VPS13B: variants seen among roughly 807,000 people sequenced by gnomAD.
VPS13B encodes the protein vacuolar protein sorting 13 homolog B.
Under a neutral mutation model 426.4 loss-of-function variants are expected in VPS13B, and 285 were observed. The ratio of observed to expected loss-of-function variants is 0.67; its 90% CI spans 0.61 to 0.74. The LOEUF is 0.74. Ranked by LOEUF, VPS13B falls within the 30% of genes least tolerant of loss-of-function variation. The pLI is 0.00. For missense variants in VPS13B, 4,537 were observed against 4,782.6 expected, an observed-to-expected ratio of 0.95 and a Z score of 1.51; for synonymous variants, 1,676 against 1,676.4, an observed-to-expected ratio of 1.00 and a Z score of 0.01.
chr8:99,351,435 A>AGTGTGT (rs1024531389), intron 19 of VPS13B, among the ~76,000 whole-genome samples: 8 of 145,750 alleles, frequency 5.5e-5, no homozygotes, highest in African/African-American at 1.5e-4. Context: ...AGAGAGAGAG[A>AGTGTGT]GTGTGTGTGT....
intron 51 of VPS13B, among the ~76,000 whole-genome samples, chr8:99,829,188 G>A (rs1814900698): frequency 6.6e-6 from 1 of 152,204 alleles, no homozygotes; most frequent in South Asian, 2.1e-4. Flanking sequence ...ATCCTGAAGT[G>A]TGTTTTCCAG....
At chr8:99,014,017 T>C in intron 2 of VPS13B, 82 bp downstream of exon 2, 2 of 1,598,698 alleles carry the variant, frequency 1.3e-6, no homozygotes, top group South Asian at 2.2e-5. Flanking sequence ...GCTTTGACTT[T>C]ATGCTGTAAA....
At chr8:99,428,951 TA>T (rs945887678) in intron 21 of VPS13B, among the ~76,000 whole-genome samples, 3 of 152,162 alleles carry the variant, frequency 2.0e-5, no homozygotes, top group Admixed American at 6.5e-5. Context: ...TATGCAGCCA[TA>T]AAAAATGATG....
chr8:99,474,183 A>AT (rs34752686), intron 24 of VPS13B, among the ~76,000 whole-genome samples: 28,253 of 124,944 alleles, frequency 0.23, 3,839 homozygotes, highest in East Asian at 0.3. Flanking sequence ...CTGTTATCCA[A>AT]TTTTTTTTTT....
At chr8:99,293,738 C>A (rs192455154) in intron 19 of VPS13B, among the ~76,000 whole-genome samples, 1,622 of 152,206 alleles carry the variant, frequency 0.011, 33 homozygotes, top group African/African-American at 0.037. Context: ...TGGACATGAA[C>A]AGACACTTCT....
chr8:99,220,826 T>C (rs1338827350), intron 17 of VPS13B, among the ~76,000 whole-genome samples: 1 of 124,106 alleles, frequency 8.1e-6, no homozygotes, highest in Non-Finnish European at 1.7e-5. Flanking sequence ...TTAGGGTACA[T>C]GTGCACATTG....
chr8:99,756,286 T>C (rs1449788), intron 39 of VPS13B, among the ~76,000 whole-genome samples: 145,910 of 152,280 alleles, frequency 0.96, 69,972 homozygotes, highest in East Asian at 1. Context: ...GAAGTTAGGT[T>C]GTTTTGAGAT....
chr8:99,116,073 G>A (rs1186192867), intron 7 of VPS13B, among the ~76,000 whole-genome samples, 199 bp downstream of exon 7: 1 of 152,134 alleles, frequency 6.6e-6, no homozygotes, highest in Non-Finnish European at 1.5e-5. Context: ...TGTTGCCTGG[G>A]CTGGAGTGCT....
chr8:99,453,168 AATTCTTGTTCACCTTAGTGGTTT>A lies in VPS13B; in HGVS notation c.3445+10536_3445+10558del, dbSNP rs147935469. 2.3e-3 allele frequency among the ~76,000 whole-genome samples: 356 copies of A among 152,294 alleles called. No individual in the cohort carries two copies. The Middle Eastern group carries it at 0.027, about 12-fold the overall frequency. The stretch of plus-strand genomic sequence containing the variant: ...AAACACAGGGGCTGCTTTTCTATGT[AATTCTTGTTCACCTTAGTGGTTT>A]ATATGTATTGTTCTATTTTAGGTTT... On this transcript the variant is annotated intron_variant, in intron 23 of 61. Transcript: ENST00000357162.
At chr8:99,236,036 G>C (rs1816627343) in intron 17 of VPS13B, among the ~76,000 whole-genome samples, 1 of 152,258 alleles carries the variant, frequency 6.6e-6, no homozygotes, top group East Asian at 1.9e-4. Flanking sequence ...GCAAGAACTG[G>C]TTTGATTTAA....
chr8:99,043,861 C>T (rs1038743352), intron 3 of VPS13B, among the ~76,000 whole-genome samples: 29 of 152,160 alleles, frequency 1.9e-4, no homozygotes, highest in Non-Finnish European at 3.2e-4. Context: ...TTCCTTGAAG[C>T]ATTCTCTTTA....
At chr8:99,853,342 C>A (rs947623123) in intron 55 of VPS13B, 109 bp from the exon 56 acceptor site, 4 of 1,115,944 alleles carry the variant, frequency 3.6e-6, no homozygotes, top group African/African-American at 3.1e-5. Context: ...TTATGAGAAT[C>A]TGATGTCCCA....
chr8:99,601,802 T>G (rs1349546611), intron 33 of VPS13B, among the ~76,000 whole-genome samples: 1 of 152,234 alleles, frequency 6.6e-6, no homozygotes, highest in Non-Finnish European at 1.5e-5. Context: ...CGTCTTCTTT[T>G]GAAAAGTGTC....
At chr8:99,555,722 A>G (rs1439822805) in intron 30 of VPS13B, among the ~76,000 whole-genome samples, 1 of 152,062 alleles carries the variant, frequency 6.6e-6, no homozygotes, top group Admixed American at 6.6e-5. Context: ...ATTTTTATGT[A>G]TTTACTTCCT....
chr8:99,849,035 T>A, intron 55 of VPS13B, 141 bp downstream of exon 55: 1 of 815,680 alleles, frequency 1.2e-6, no homozygotes, highest in Non-Finnish European at 2.1e-6. Flanking sequence ...AAAATATGGT[T>A]ATTAGCACTA....
intron 21 of VPS13B, among the ~76,000 whole-genome samples, chr8:99,416,239 C>T (rs2133370137): frequency 6.6e-6 from 1 of 152,282 alleles, no homozygotes. Flanking sequence ...CCTATTCAAG[C>T]CTCAGTAAGG....
chr8:99,640,004 T>TAAGAAGAAGAAGAAGAAG (rs1474132808), intron 33 of VPS13B, among the ~76,000 whole-genome samples: 1 of 75,870 alleles, frequency 1.3e-5, no homozygotes, highest in African/African-American at 5.7e-5. Flanking sequence ...ATAATAATAA[T>TAAGAAGAAGAAGAAGAAG]AATAATAATA....
At chr8:99,853,349 C>A in intron 55 of VPS13B, 102 bp from the exon 56 acceptor site, 2 of 1,173,266 alleles carry the variant, frequency 1.7e-6, no homozygotes, top group Non-Finnish European at 2.5e-6. Context: ...AATCTGATGT[C>A]CCATCAGGAG....
At chr8:99,111,308 T>G (rs1847353541) in intron 6 of VPS13B, 29 bp downstream of exon 6, 1 of 1,563,240 alleles carries the variant, frequency 6.4e-7, no homozygotes, top group South Asian at 1.2e-5. Flanking sequence ...TGCAGTTAAG[T>G]TGCATGTCTT....
Sources: gnomAD v4.1 joint callset for allele counts (sites outside exome capture counted in the v4.1 genomes callset) on GRCh38, gnomAD v4.1.1 for gene constraint, MANE v1.5 for transcripts, NCBI Gene and HGNC (gene_info 2026-07-23, HGNC 2026-07-21) for gene names.